The following ARL13B variants were observed in gnomAD, a reference collection of about 807,000 sequenced individuals.
The protein encoded by ARL13B is ARF like GTPase 13B.
ARL13B carries 36 observed loss-of-function variants against 56.1 expected under a neutral mutation model. The ratio of observed to expected loss-of-function variants is 0.64; its 90% confidence interval spans 0.49 to 0.85. The LOEUF is 0.85. Among genes scored for constraint, ARL13B ranks in the 40% least tolerant of loss-of-function variants. The probability of loss-of-function intolerance (pLI) is 0.00; values close to 1 mark genes in which losing one functional copy is unlikely to be tolerated. For synonymous variants in ARL13B, 178 were observed against 171.1 expected, an observed-to-expected ratio of 1.04 and a Z score of -0.32; for missense variants, 519 against 507.1, an observed-to-expected ratio of 1.02 and a Z score of -0.23.
chr3:94,016,593 C>T (rs561669111), intron 3 of ARL13B, among the ~76,000 whole-genome samples: 1 of 151,186 alleles, frequency 6.6e-6, no homozygotes, highest in African/African-American at 2.4e-5. Flanking sequence ...GTAGAAGACC[C>T]TTGGGTTCAC....
intron 5 of ARL13B, among the ~76,000 whole-genome samples, chr3:94,037,317 G>A (rs1275963375): frequency 2.0e-5 from 3 of 152,150 alleles, no homozygotes; most frequent in Admixed American, 6.5e-5. Context: ...CTGATCCATA[G>A]TTGCCTTCCA....
At chr3:94,031,679 G>A (rs1274153102) in intron 3 of ARL13B, among the ~76,000 whole-genome samples, 1 of 152,070 alleles carries the variant, frequency 6.6e-6, no homozygotes, top group African/African-American at 2.4e-5. Context: ...GTACCAAAAA[G>A]CCTGAATAGC....
intron 1 of ARL13B, among the ~76,000 whole-genome samples, chr3:93,981,927 T>A (rs1418703724): frequency 6.6e-6 from 1 of 150,932 alleles, no homozygotes; most frequent in Non-Finnish European, 1.5e-5. Context: ...GCATAGATTC[T>A]GATTTATTTG....
Position 94,049,471 on chromosome 3 carries a change from A to G in ARL13B, c.1090A>G (p.Ile364Val), listed in dbSNP as rs200908149. The G allele has an allele frequency of 2.3e-4, 363 of 1,612,212 alleles. No homozygotes were observed. In the East Asian group the frequency reaches 3.5e-3, roughly 16 times the overall value. ...KRNHRVEPLN[I>V]DDCAPESPTP... Reference sequence around the variant, plus strand: ...GAACCACCGGGTAGAACCACTTAATATAGATGACTGTGCTCCTGAGAGTCC... The same window carrying G: ...GAACCACCGGGTAGAACCACTTAATGTAGATGACTGTGCTCCTGAGAGTCC... The change falls in exon 8 of 10, where the codon ATA becomes GTA. Residue 364 changes from isoleucine (I) to valine (V), a missense_variant. By Grantham distance (29) the Ile-to-Val change is conservative. Coordinates refer to ENST00000394222, the MANE Select transcript of ARL13B (RefSeq NM_001174150.2).
At chr3:93,985,154 T>G (rs887339632) in intron 1 of ARL13B, among the ~76,000 whole-genome samples, 22 of 152,370 alleles carry the variant, frequency 1.4e-4, no homozygotes, top group African/African-American at 4.8e-4. Flanking sequence ...TTTTATATTT[T>G]CATTTTTAAC....
intron 2 of ARL13B, among the ~76,000 whole-genome samples, chr3:93,999,857 A>G (rs2076025188): frequency 6.6e-6 from 1 of 152,180 alleles, no homozygotes; most frequent in Non-Finnish European, 1.5e-5. Context: ...TCTTTCTCAT[A>G]ACAGCCTAAG....
At chr3:94,021,572 G>A (rs1020640148) in intron 3 of ARL13B, among the ~76,000 whole-genome samples, 3 of 152,120 alleles carry the variant, frequency 2.0e-5, no homozygotes, top group Non-Finnish European at 2.9e-5. Context: ...AAGTAATGTG[G>A]AAACTTTTTA....
rs78386221 is a variant in ARL13B at position 94,054,399 on chromosome 3, A to G, written c.*1136A>G. Reference sequence around the variant, plus strand: ...TCTCTTGCACTTAAGAATGGCATCCATAAGATTCTGTATTTGGCATTTAGA... The same window carrying G: ...TCTCTTGCACTTAAGAATGGCATCCGTAAGATTCTGTATTTGGCATTTAGA... On this transcript the variant is annotated 3_prime_UTR_variant, in exon 10 of 10. Coordinates refer to ENST00000394222, the MANE Select transcript of ARL13B (RefSeq NM_001174150.2). 7.6e-3 allele frequency: 3,069 copies of G among 401,634 alleles called. 93 individuals are homozygous for G. The highest frequency in any genetic ancestry group is 0.058 in the African/African-American group (2,784 of 47,894). 24.9% of individuals were successfully genotyped at this position (401,634 alleles called of 1,614,324 possible).
intron 1 of ARL13B, among the ~76,000 whole-genome samples, chr3:93,987,941 C>T (rs961785194): frequency 7.9e-5 from 12 of 152,150 alleles, no homozygotes; most frequent in East Asian, 3.9e-4. Context: ...CCACTGCACC[C>T]GGCCTCTTTT....
At chr3:94,028,302 G>A (rs2107062071) in intron 3 of ARL13B, 1 of 152,274 alleles carries the variant, frequency 6.6e-6, no homozygotes, top group Non-Finnish European at 1.5e-5. Context: ...AAATGTAACA[G>A]TGTAACCAGA....
rs775290119 is a variant in ARL13B at position 94,043,065 on chromosome 3, C to T, written c.849C>T (p.Asp283=). 1 of 1,612,792 alleles carries T rather than the reference C, an allele frequency of 6.2e-7. No homozygotes were observed. The highest frequency in any genetic ancestry group is 1.7e-5 in the Admixed American group (1 of 59,904). Residue 283 remains aspartate (D), a synonymous_variant, in exon 7 of 10, where the codon GAC becomes GAT. Transcript: ENST00000394222. Reference sequence around the variant, plus strand: ...AAAAAAACCAAAAAATGGAGAAAGACAGTGATGGCTGCCACCTGAAACATA... The same window carrying T: ...AAAAAAACCAAAAAATGGAGAAAGATAGTGATGGCTGCCACCTGAAACATA... The part of the protein sequence containing the change: ...REKKNQKMEK[D]SDGCHLKHKM...
chr3:93,993,070 G>T (rs552514170), intron 1 of ARL13B, among the ~76,000 whole-genome samples: 6 of 151,396 alleles, frequency 4.0e-5, no homozygotes, highest in East Asian at 1.9e-4. Context: ...CTCCCAAAGT[G>T]CTGAGATTAC....
intron 3 of ARL13B, among the ~76,000 whole-genome samples, chr3:94,031,069 G>A (rs1285245538): frequency 6.6e-6 from 1 of 152,116 alleles, no homozygotes; most frequent in East Asian, 1.9e-4. Context: ...GTATGCGCCT[G>A]TAGTCCCAGC....
rs779676629 is a variant in ARL13B, at chr3:94,014,768, G to A, written c.380+10860G>A. The A allele has an allele frequency of 1.7e-5, 27 of 1,613,512 alleles. No homozygotes were observed. Among genetic ancestry groups the A allele is most frequent in the African/African-American group, 5.3e-5 (4 of 74,906 alleles). ...TCTTTTCCAGCAACTTCAAGCTGAC[G>A]TAAAATAAATGTCTTGCACTTCTCT... is the stretch of plus-strand genomic sequence containing the variant. On this transcript the variant is annotated intron_variant, in intron 3 of 9. Transcript: ENST00000394222.
intron 7 of ARL13B, chr3:94,047,875 T>A (rs1489444791): frequency 6.6e-6 from 1 of 152,236 alleles, no homozygotes; most frequent in African/African-American, 2.4e-5. Flanking sequence ...CAAACAACAC[T>A]AATTTATTTA....
rs908792896 is a variant in ARL13B at position 94,043,239 on chromosome 3, A to T, written c.1023A>T (p.Ser341=). Residue 341 remains serine, a splice_region_variant and synonymous_variant, in exon 7 of 10, where the codon TCA becomes TCT. Coordinates refer to ENST00000394222, the MANE Select transcript of ARL13B (RefSeq NM_001174150.2). ...AGACAGACCGGCCATCATTGGAATC[A>T]GGTAATAAATCTAGTTATTTAAAGT... is the stretch of plus-strand genomic sequence containing the variant. The part of the protein sequence containing the change: ...EDETDRPSLE[S]ANGKKKTKKL... 1 of 1,611,116 alleles carries T rather than the reference A, an allele frequency of 6.2e-7. No homozygotes were observed. The highest frequency in any genetic ancestry group is 1.3e-5 in the African/African-American group (1 of 75,000).
chr3:94,046,931 C>G (rs1478155173), intron 7 of ARL13B, among the ~76,000 whole-genome samples: 1 of 151,978 alleles, frequency 6.6e-6, no homozygotes, highest in Non-Finnish European at 1.5e-5. Context: ...AGGGATATAG[C>G]CTGCATTTGG....
In ARL13B at chr3:94,008,815, A is replaced by T. The variant is rs574796420; in HGVS notation, c.380+4907A>T. Among the ~76,000 whole-genome samples the T allele has an allele frequency of 6.6e-5, 10 of 152,228 alleles. 1 individual carries two copies. The highest frequency in any genetic ancestry group is 2.9e-5 in the Non-Finnish European group (2 of 68,000). On this transcript the variant is annotated intron_variant, in intron 3 of 9. Transcript: ENST00000394222. ...AATTCTATTTGTATTAGCATTCTCA[A>T]ACTACTGGAAGGTGCCACTTTTCTC... is the stretch of plus-strand genomic sequence containing the variant.
intron 3 of ARL13B, among the ~76,000 whole-genome samples, chr3:94,008,989 A>G (rs955673208): frequency 2.0e-5 from 3 of 152,058 alleles, no homozygotes; most frequent in Admixed American, 2.0e-4. Context: ...ATCTTACTGG[A>G]TGTTATGAGC....
Sources: allele counts gnomAD v4.1 joint callset (sites outside exome capture counted in the v4.1 genomes callset), GRCh38; gene constraint gnomAD v4.1.1; transcripts MANE v1.5; gene names NCBI Gene and HGNC (gene_info 2026-07-23, HGNC 2026-07-21).